PRKCA: variants seen among roughly 807,000 people sequenced by gnomAD.
PRKCA encodes protein kinase C alpha.
PRKCA carries 27 observed loss-of-function variants against 87.0 expected under a neutral mutation model. The ratio of observed to expected loss-of-function variants is 0.31; its 90% CI spans 0.23 to 0.43. PRKCA has a LOEUF of 0.43. Ranked by LOEUF, PRKCA falls within the 20% of genes least tolerant of loss-of-function variation. The pLI, the probability that PRKCA is intolerant of heterozygous loss-of-function variation, is 1.00. For synonymous variants in PRKCA, 329 were observed against 311.1 expected (o/e 1.06, Z -0.61); for missense variants, 518 against 852.3 (o/e 0.61, Z 4.88).
At chr17:66,790,469 G>C (rs1975505183) in intron 16 of PRKCA, among the ~76,000 whole-genome samples, 1 of 152,170 alleles carries the variant, frequency 6.6e-6, no homozygotes, top group African/African-American at 2.4e-5. Flanking sequence ...AGGTTTTTGG[G>C]GGTGGGGAGA....
intron 14 of PRKCA, chr17:66,774,465 AC>A (rs1439540832): frequency 1.3e-6 from 1 of 773,018 alleles, no homozygotes; most frequent in Non-Finnish European, 1.6e-6. Context: ...TACTAAAAAT[AC>A]AAAAATTAGC....
At chr17:66,351,345 G>A (rs1325352055) in intron 2 of PRKCA, among the ~76,000 whole-genome samples, 1 of 152,222 alleles carries the variant, frequency 6.6e-6, no homozygotes, top group African/African-American at 2.4e-5. Flanking sequence ...TGGTGCCCCC[G>A]TTTCTGAGTC....
At chr17:66,670,367 A>G (rs1229430877) in intron 5 of PRKCA, among the ~76,000 whole-genome samples, 1 of 152,238 alleles carries the variant, frequency 6.6e-6, no homozygotes, top group Non-Finnish European at 1.5e-5. Flanking sequence ...CATACTCCAG[A>G]TAATTTTACA....
At chr17:66,611,329 T>G (rs1253168604) in intron 3 of PRKCA, among the ~76,000 whole-genome samples, 5 of 152,208 alleles carry the variant, frequency 3.3e-5, no homozygotes, top group Admixed American at 3.3e-4. Context: ...ACTCTATACT[T>G]ACTAGTAGTC....
At chr17:66,350,892 A>G (rs116150228) in intron 2 of PRKCA, among the ~76,000 whole-genome samples, 2,353 of 152,296 alleles carry the variant, frequency 0.015, 66 homozygotes, top group African/African-American at 0.054. Flanking sequence ...GTCCAGAGGC[A>G]TGTTTAGTTG....
At chr17:66,515,087 C>T (rs1304358398) in intron 3 of PRKCA, among the ~76,000 whole-genome samples, 2 of 151,908 alleles carry the variant, frequency 1.3e-5, no homozygotes, top group East Asian at 3.9e-4. Context: ...AACCCCATCT[C>T]TACTAAAAAT....
At chr17:66,706,479 CAA>C (rs398031367) in intron 8 of PRKCA, among the ~76,000 whole-genome samples, 2 of 142,798 alleles carry the variant, frequency 1.4e-5, no homozygotes, top group Admixed American at 7.0e-5. Context: ...ACTAAAAATA[CAA>C]AAAAAAAAAA....
intron 14 of PRKCA, among the ~76,000 whole-genome samples, chr17:66,781,866 G>GATATATAT (rs766995438): frequency 1.7e-4 from 23 of 132,836 alleles, no homozygotes; most frequent in Admixed American, 2.2e-4. Context: ...GAGAGAGAGA[G>GATATATAT]AGATATATAT....
intron 2 of PRKCA, among the ~76,000 whole-genome samples, chr17:66,407,228 C>T (rs537544167): frequency 1.3e-4 from 20 of 151,900 alleles, no homozygotes; most frequent in South Asian, 8.3e-4. Flanking sequence ...AACTGTGATC[C>T]GCAGTGTTGG....
chr17:66,371,683 C>A (rs1425331993), intron 2 of PRKCA, among the ~76,000 whole-genome samples: 2 of 152,130 alleles, frequency 1.3e-5, no homozygotes, highest in Non-Finnish European at 2.9e-5. Context: ...TGGCATAAAG[C>A]GACACTGTGA....
intron 3 of PRKCA, among the ~76,000 whole-genome samples, chr17:66,576,674 GTCA>G (rs2143431499): frequency 6.6e-6 from 1 of 152,208 alleles, no homozygotes; most frequent in African/African-American, 2.4e-5. Flanking sequence ...GGTTCGGCTA[GTCA>G]TATATAAATT....
chr17:66,524,464 G>C (rs1967275411), intron 3 of PRKCA, among the ~76,000 whole-genome samples: 2 of 152,140 alleles, frequency 1.3e-5, no homozygotes, highest in Admixed American at 6.6e-5. Context: ...TTTTAAATAC[G>C]GGTAGTCCCT....
chr17:66,481,613 G>A (rs1484078518), intron 2 of PRKCA, among the ~76,000 whole-genome samples: 1 of 152,138 alleles, frequency 6.6e-6, no homozygotes, highest in Non-Finnish European at 1.5e-5. Flanking sequence ...CTATGAGCAA[G>A]GAATTCTGGT....
intron 2 of PRKCA, among the ~76,000 whole-genome samples, chr17:66,445,839 C>G (rs1008479803): frequency 6.6e-6 from 1 of 151,038 alleles, no homozygotes; most frequent in Non-Finnish European, 1.5e-5. Flanking sequence ...GGGTCTGGCT[C>G]TGGCTCAGGC....
At chr17:66,783,948 A>G (rs76514870) in intron 14 of PRKCA, among the ~76,000 whole-genome samples, 1 of 152,342 alleles carries the variant, frequency 6.6e-6, no homozygotes, top group East Asian at 1.9e-4. Context: ...CACAGGGCCC[A>G]AGCCCACAAG....
intron 16 of PRKCA, among the ~76,000 whole-genome samples, chr17:66,791,657 C>T (rs540315895): frequency 2.6e-5 from 4 of 152,192 alleles, no homozygotes; most frequent in South Asian, 2.1e-4. Flanking sequence ...CTGGCACCAC[C>T]GCCTTCAGCG....
intron 2 of PRKCA, among the ~76,000 whole-genome samples, chr17:66,455,797 A>G (rs1346965176): frequency 1.3e-5 from 2 of 152,308 alleles, no homozygotes; most frequent in South Asian, 2.1e-4. Flanking sequence ...TGAGACGTTC[A>G]TATCAGCCTG....
intron 2 of PRKCA, among the ~76,000 whole-genome samples, chr17:66,399,288 A>G (rs986224169): frequency 6.6e-5 from 10 of 151,640 alleles, no homozygotes; most frequent in Admixed American, 3.3e-4. Context: ...ATTTCGCCCC[A>G]TTGTCTGGTC....
intron 2 of PRKCA, among the ~76,000 whole-genome samples, chr17:66,451,665 C>T (rs931094145): frequency 5.3e-5 from 8 of 152,046 alleles, no homozygotes; most frequent in Non-Finnish European, 1.2e-4. Context: ...GATAAGGAAG[C>T]GCCCCCTAAC....
Sources: allele counts gnomAD v4.1 joint callset (sites outside exome capture counted in the v4.1 genomes callset), GRCh38; gene constraint gnomAD v4.1.1; transcripts MANE v1.5; gene names NCBI Gene and HGNC (gene_info 2026-07-23, HGNC 2026-07-21).